MECOM: variants seen among roughly 807,000 people sequenced by gnomAD.
MECOM encodes the protein histone-lysine N-methyltransferase MECOM.
Under a neutral mutation model 116.3 loss-of-function variants are expected in MECOM, and 13 were observed. The observed-to-expected ratio is 0.11, with a 90% CI of 0.07 to 0.18. The LOEUF (loss-of-function observed/expected upper bound fraction) is 0.18, where lower values mean the gene tolerates loss of function less well. Ranked by LOEUF, MECOM falls within the 10% of genes least tolerant of loss-of-function variation. MECOM has a pLI of 1.00. For synonymous variants in MECOM, 528 were observed against 535.2 expected, an observed-to-expected ratio of 0.99 and a Z score of 0.19; for missense variants, 1,299 against 1,509.0, an observed-to-expected ratio of 0.86 and a Z score of 2.31.
intron 1 of MECOM, among the ~76,000 whole-genome samples, chr3:169,540,882 C>T (rs186801120): frequency 2.6e-5 from 4 of 152,256 alleles, no homozygotes; most frequent in African/African-American, 9.6e-5. Flanking sequence ...GTGAGAGTTC[C>T]ACAGGCAGAA....
intron 2 of MECOM, among the ~76,000 whole-genome samples, chr3:169,355,084 T>C (rs1055163694): frequency 1.3e-5 from 2 of 151,856 alleles, no homozygotes; most frequent in African/African-American, 4.8e-5. Flanking sequence ...ATTCAATTTG[T>C]CGGGAAAAAA....
intron 2 of MECOM, among the ~76,000 whole-genome samples, chr3:169,306,556 C>A (rs1363838193): frequency 1.3e-5 from 2 of 152,032 alleles, no homozygotes; most frequent in Non-Finnish European, 2.9e-5. Flanking sequence ...GTGGTGGGCA[C>A]CTGTAATCCC....
At chr3:169,445,705 G>A (rs1480241024) in intron 1 of MECOM, among the ~76,000 whole-genome samples, 1 of 152,122 alleles carries the variant, frequency 6.6e-6, no homozygotes, top group African/African-American at 2.4e-5. Context: ...AGCTTGCCCT[G>A]TGCACCTGGA....
chr3:169,138,495 C>T (rs1228476394), intron 3 of MECOM, among the ~76,000 whole-genome samples: 2 of 152,108 alleles, frequency 1.3e-5, no homozygotes, highest in African/African-American at 4.8e-5. Flanking sequence ...CAGACAACAT[C>T]CCCCCAAAGT....
chr3:169,259,404 T>C (rs1004580237), intron 2 of MECOM, among the ~76,000 whole-genome samples: 2 of 152,206 alleles, frequency 1.3e-5, no homozygotes, highest in Non-Finnish European at 2.9e-5. Flanking sequence ...TTCTGGATTC[T>C]ATTAGGATCA....
chr3:169,326,315 T>G (rs1474902970), intron 2 of MECOM, among the ~76,000 whole-genome samples: 1 of 152,136 alleles, frequency 6.6e-6, no homozygotes, highest in African/African-American at 2.4e-5. Flanking sequence ...ACCTGAACCC[T>G]TACAGTATGT....
At chr3:169,595,828 C>A (rs559022703) in intron 1 of MECOM, among the ~76,000 whole-genome samples, 2 of 152,070 alleles carry the variant, frequency 1.3e-5, no homozygotes, top group Non-Finnish European at 2.9e-5. Context: ...AACACAAATA[C>A]CAAAACCAGA....
At chr3:169,213,681 C>T (rs74321159) in intron 2 of MECOM, among the ~76,000 whole-genome samples, 4,714 of 152,142 alleles carry the variant, frequency 0.031, 217 homozygotes, top group East Asian at 0.13. Context: ...CAGAAAAAAT[C>T]GGCAAAGTTA....
At chr3:169,562,488 A>G (rs895180201) in intron 1 of MECOM, among the ~76,000 whole-genome samples, 1 of 152,168 alleles carries the variant, frequency 6.6e-6, no homozygotes, top group Non-Finnish European at 1.5e-5. Flanking sequence ...GCAGCGTATT[A>G]TGGTGGAGGG....
intron 2 of MECOM, among the ~76,000 whole-genome samples, chr3:169,165,370 C>G (rs772145729): frequency 6.6e-6 from 1 of 152,148 alleles, no homozygotes; most frequent in East Asian, 1.9e-4. Context: ...GCAATTGTAC[C>G]GGATGGTCAA....
chr3:169,400,461 C>T (rs1286619494), intron 1 of MECOM, among the ~76,000 whole-genome samples: 1 of 152,184 alleles, frequency 6.6e-6, no homozygotes, highest in African/African-American at 2.4e-5. Flanking sequence ...AAATTCTCAA[C>T]ATACATTTGT....
At chr3:169,135,673 G>T (rs1016332263) in intron 3 of MECOM, among the ~76,000 whole-genome samples, 3 of 151,728 alleles carry the variant, frequency 2.0e-5, no homozygotes, top group Non-Finnish European at 2.9e-5. Flanking sequence ...AGTTGAGATG[G>T]TTTTTTCATT....
At chr3:169,122,387 A>G (rs1210376260) in intron 6 of MECOM, among the ~76,000 whole-genome samples, 193 bp downstream of exon 6, 3 of 152,200 alleles carry the variant, frequency 2.0e-5, no homozygotes, top group Admixed American at 6.5e-5. Context: ...TCCCTTACAA[A>G]AATAAAAGGA....
At chr3:169,441,709 T>C (rs1743706001) in intron 1 of MECOM, among the ~76,000 whole-genome samples, 1 of 151,578 alleles carries the variant, frequency 6.6e-6, no homozygotes, top group Admixed American at 6.6e-5. Flanking sequence ...TTTAGCTATG[T>C]TACACTTCTT....
intron 2 of MECOM, among the ~76,000 whole-genome samples, chr3:169,235,738 G>T (rs751989782): frequency 6.6e-6 from 1 of 151,780 alleles, no homozygotes; most frequent in Non-Finnish European, 1.5e-5. Context: ...ACACAAAAAA[G>T]ATAACATAAT....
chr3:169,615,573 C>T (rs752647026), intron 1 of MECOM, among the ~76,000 whole-genome samples: 1 of 152,200 alleles, frequency 6.6e-6, no homozygotes, highest in Non-Finnish European at 1.5e-5. Flanking sequence ...ACACACACAC[C>T]TCCAAGTATC....
At chr3:169,379,424 T>G (rs1163252082) in intron 2 of MECOM, among the ~76,000 whole-genome samples, 4 of 152,032 alleles carry the variant, frequency 2.6e-5, no homozygotes, top group Non-Finnish European at 5.9e-5. Flanking sequence ...TATAAAGGTG[T>G]CTTGAATTCC....
At chr3:169,360,073 C>A (rs1727949275) in intron 2 of MECOM, among the ~76,000 whole-genome samples, 2 of 151,592 alleles carry the variant, frequency 1.3e-5, no homozygotes, top group South Asian at 4.2e-4. Flanking sequence ...TCTACCTACA[C>A]TCAGGGAAAC....
chr3:169,386,464 T>C (rs1733331667), intron 1 of MECOM, among the ~76,000 whole-genome samples: 1 of 152,216 alleles, frequency 6.6e-6, no homozygotes, highest in Non-Finnish European at 1.5e-5. Flanking sequence ...TTAAAGTTTG[T>C]TTGTTTTATC....
Sources: allele counts gnomAD v4.1 joint callset (sites outside exome capture counted in the v4.1 genomes callset), GRCh38; gene constraint gnomAD v4.1.1; transcripts MANE v1.5; gene names NCBI Gene and HGNC (gene_info 2026-07-23, HGNC 2026-07-21).